GALNT18: variants seen among roughly 807,000 people sequenced by gnomAD.
GALNT18 encodes the protein GalNAc-transferase 18.
In GALNT18, 44 loss-of-function variants were observed where a neutral mutation model predicts 69.5. The ratio of observed to expected loss-of-function variants is 0.63; its 90% CI spans 0.50 to 0.81. GALNT18 has a LOEUF of 0.81. Among genes scored for constraint, GALNT18 ranks in the 40% least tolerant of loss-of-function variants. GALNT18 has a pLI of 0.00. For synonymous variants in GALNT18, 364 were observed against 318.2 expected, an observed-to-expected ratio of 1.14 and a Z score of -1.53; for missense variants, 715 against 810.0, an observed-to-expected ratio of 0.88 and a Z score of 1.42.
intron 1 of GALNT18, among the ~76,000 whole-genome samples, chr11:11,481,980 C>T (rs1475571717): frequency 1.3e-5 from 2 of 152,202 alleles, no homozygotes; most frequent in South Asian, 2.1e-4. Flanking sequence ...TCATCCCTGT[C>T]GAAGTCCCTA....
Position 11,436,327 on chromosome 11 carries a change from A to C in GALNT18, c.429-3540T>G, listed in dbSNP as rs970087633. On this transcript the variant is annotated intron_variant, in intron 2 of 10. Coordinates refer to ENST00000227756, the MANE Select transcript of GALNT18 (RefSeq NM_198516.3). The surrounding 1 kb of genome is among the most constrained non-coding windows in gnomAD (Gnocchi z 4.5). Reference sequence around the variant, plus strand: ...AGGCTCTTCTATCTTACGTTTTCCAACTTCCCCTCCCTCCCAACCCACAAA... The same window carrying C: ...AGGCTCTTCTATCTTACGTTTTCCACCTTCCCCTCCCTCCCAACCCACAAA... 6.6e-6 allele frequency among the ~76,000 whole-genome samples: 1 copy of C among 152,020 alleles called. No homozygotes were observed. The highest frequency in any genetic ancestry group is 1.5e-5 in the Non-Finnish European group (1 of 67,994).
At chr11:11,445,231 C>T (rs1855623454) in intron 2 of GALNT18, among the ~76,000 whole-genome samples, 2 of 152,198 alleles carry the variant, frequency 1.3e-5, no homozygotes, top group African/African-American at 2.4e-5. Context: ...CCCAGCTCTG[C>T]CACTAGTGAC....
At chr11:11,526,433 T>A (rs914754096) in intron 1 of GALNT18, among the ~76,000 whole-genome samples, 7 of 152,206 alleles carry the variant, frequency 4.6e-5, no homozygotes, top group Non-Finnish European at 7.3e-5. Context: ...GTATAGTTAC[T>A]TCTTTCATTG....
intron 3 of GALNT18, among the ~76,000 whole-genome samples, chr11:11,393,174 G>A (rs1182007336): frequency 6.6e-6 from 1 of 152,218 alleles, no homozygotes; most frequent in Non-Finnish European, 1.5e-5. Context: ...TGGGTGTGGG[G>A]TGGGCCAGCA....
chr11:11,367,970 T>A (rs1850808829), intron 6 of GALNT18, among the ~76,000 whole-genome samples: 1 of 152,210 alleles, frequency 6.6e-6, no homozygotes, highest in Non-Finnish European at 1.5e-5. Context: ...AGGATCTGCC[T>A]GAATGTTTAG....
intron 1 of GALNT18, among the ~76,000 whole-genome samples, chr11:11,615,555 T>C (rs538560880): frequency 1.0e-3 from 152 of 152,358 alleles, no homozygotes; most frequent in Non-Finnish European, 1.8e-3. Flanking sequence ...AATTTCCTTT[T>C]AGATTTATTT....
At chr11:11,450,357 T>A (rs1027670499) in intron 1 of GALNT18, among the ~76,000 whole-genome samples, 11 of 152,158 alleles carry the variant, frequency 7.2e-5, no homozygotes, top group Non-Finnish European at 1.5e-4. Context: ...CACCTCCTCA[T>A]GCGATGCTCT....
intron 1 of GALNT18, among the ~76,000 whole-genome samples, chr11:11,479,282 A>T (rs1244452907): frequency 6.6e-6 from 1 of 152,224 alleles, no homozygotes; most frequent in African/African-American, 2.4e-5. Flanking sequence ...CAATATTTTC[A>T]CAGTACATAA....
At position 11,584,458 on chromosome 11, in the gene GALNT18, G is replaced by C. The variant is rs1405504920; in HGVS notation, c.235+36901C>G. Among the ~76,000 whole-genome samples, 1 of 152,160 alleles carries C rather than the reference G, an allele frequency of 6.6e-6. No individual in the cohort carries two copies. The highest frequency in any genetic ancestry group is 1.5e-5 in the Non-Finnish European group (1 of 68,038). ...GAGAAATGGGTTCCTATTCTCCAGT[G>C]CATTTCAACTGGCCATATTCTCAGC... On this transcript the variant is annotated intron_variant, in intron 1 of 10. Coordinates refer to ENST00000227756, the MANE Select transcript of GALNT18 (RefSeq NM_198516.3). The surrounding 1 kb of genome is among the most constrained non-coding windows in gnomAD (Gnocchi z 4.1).
intron 3 of GALNT18, among the ~76,000 whole-genome samples, chr11:11,419,596 C>CAAAAAAAAAAAAA (rs58012512): frequency 3.4e-4 from 9 of 26,624 alleles, no homozygotes; most frequent in African/African-American, 6.9e-4. Context: ...GATCCTGTCT[C>CAAAAAAAAAAAAA]AAAAAAAAAA....
At chr11:11,544,132 G>A (rs1203078516) in intron 1 of GALNT18, among the ~76,000 whole-genome samples, 1 of 152,202 alleles carries the variant, frequency 6.6e-6, no homozygotes, top group African/African-American at 2.4e-5. Context: ...CATAGGTGTG[G>A]GAGATCTGGT....
chr11:11,363,815 G>T (rs1459123571), intron 6 of GALNT18, among the ~76,000 whole-genome samples: 1 of 151,960 alleles, frequency 6.6e-6, no homozygotes, highest in Non-Finnish European at 1.5e-5. Context: ...GGTTCCTTAG[G>T]GAAGTAGCTA....
At chr11:11,290,199 T>G (rs562411610) in intron 10 of GALNT18, among the ~76,000 whole-genome samples, 2 of 152,182 alleles carry the variant, frequency 1.3e-5, no homozygotes, top group African/African-American at 4.8e-5. Context: ...CCTTAGAGCC[T>G]GTGCTAAGAG....
At chr11:11,303,915 T>C (rs1384331978) in intron 9 of GALNT18, among the ~76,000 whole-genome samples, 1 of 152,218 alleles carries the variant, frequency 6.6e-6, no homozygotes, top group Non-Finnish European at 1.5e-5. Context: ...TCTGGTAATC[T>C]AGCACACACC....
intron 1 of GALNT18, among the ~76,000 whole-genome samples, chr11:11,472,207 C>T (rs1352076836): frequency 2.0e-5 from 3 of 152,226 alleles, no homozygotes; most frequent in Non-Finnish European, 4.4e-5. Context: ...CACTGTTCTG[C>T]ACTGCCTGGC....
chr11:11,597,121 C>G (rs573750669), intron 1 of GALNT18, among the ~76,000 whole-genome samples: 1 of 152,212 alleles, frequency 6.6e-6, no homozygotes, highest in South Asian at 2.1e-4. Flanking sequence ...TTAAACCAAC[C>G]AGGAATTCTT....
At chr11:11,271,418 TC>T in intron 10 of GALNT18, 128 bp from the exon 11 acceptor site, 1 of 942,774 alleles carries the variant, frequency 1.1e-6, no homozygotes. Context: ...AGGTCAGCAT[TC>T]CCATGAAACT....
intron 1 of GALNT18, among the ~76,000 whole-genome samples, chr11:11,450,339 T>C (rs530059611): frequency 7.2e-5 from 11 of 152,290 alleles, no homozygotes; most frequent in African/African-American, 2.6e-4. Context: ...GCTGGGGCTA[T>C]GGACTGCCAC....
chr11:11,429,247 C>A (rs556259157), intron 3 of GALNT18, among the ~76,000 whole-genome samples: 2 of 152,244 alleles, frequency 1.3e-5, no homozygotes, highest in African/African-American at 4.8e-5. Flanking sequence ...ATTCTCTCTG[C>A]CCACGGAGAC....
Sources: allele counts gnomAD v4.1 joint callset (sites outside exome capture counted in the v4.1 genomes callset), GRCh38; gene constraint gnomAD v4.1.1; non-coding constraint Gnocchi (gnomAD v3.1); transcripts MANE v1.5; gene names NCBI Gene and HGNC (gene_info 2026-07-23, HGNC 2026-07-21).